Variants in SLC9A2 observed in about 807,000 individuals in gnomAD.
The protein encoded by SLC9A2 is solute carrier family 9 member A2, also known as sodium/hydrogen exchanger 2.
A neutral mutation model predicts 71.7 loss-of-function variants in SLC9A2; 42 were observed. The ratio of observed to expected loss-of-function variants is 0.59; its 90% CI spans 0.46 to 0.76. The LOEUF (loss-of-function observed/expected upper bound fraction) is 0.76. SLC9A2 is among the 30% of genes least tolerant of loss of function. The probability of loss-of-function intolerance (pLI) is 0.00; values close to 1 mark genes in which losing one functional copy is unlikely to be tolerated. For synonymous variants in SLC9A2, 396 were observed against 392.5 expected (o/e 1.01, Z -0.10); for missense variants, 829 against 1,017.4 (o/e 0.81, Z 2.52).
At chr2:102,625,739 G>A (rs1558699174) in intron 1 of SLC9A2, among the ~76,000 whole-genome samples, 1 of 152,114 alleles carries the variant, frequency 6.6e-6, no homozygotes, top group Non-Finnish European at 1.5e-5. Flanking sequence ...ATTTGGGTTG[G>A]TTCCAAGTCT....
Position 102,620,009 on chromosome 2 carries a change from G to A in SLC9A2, c.161G>A (p.Ser54Asn). ...GTSSSPPSPA[S>N]VVAPGTTLFE... ...AGTTCCAGCCCGCCTAGCCCTGCGAGCGTGGTGGCTCCCGGAACGACGCTG... is the reference window on the plus strand; with the variant it reads ...AGTTCCAGCCCGCCTAGCCCTGCGAACGTGGTGGCTCCCGGAACGACGCTG... Residue 54 changes from serine to asparagine, a missense_variant, in exon 1 of 12, where the codon AGC becomes AAC. Coordinates refer to ENST00000233969, the MANE Select transcript of SLC9A2 (RefSeq NM_003048.6). 2 of 1,614,118 alleles carry A rather than the reference G, an allele frequency of 1.2e-6. No individual in the cohort carries two copies. Among genetic ancestry groups the A allele is most frequent in the Non-Finnish European group, 1.7e-6 (2 of 1,180,008 alleles).
chr2:102,659,293 T>G (rs891940771), intron 2 of SLC9A2, among the ~76,000 whole-genome samples: 4 of 145,482 alleles, frequency 2.7e-5, no homozygotes, highest in Middle Eastern at 3.6e-3. Flanking sequence ...AAAAAAAAAT[T>G]AGCTGGGCAT....
Position 102,694,489 on chromosome 2 carries a change from GAA to G in SLC9A2, c.1503_1504del (p.Glu501AspfsTer7). 1 of 1,530,700 alleles carries G rather than the reference GAA, an allele frequency of 6.5e-7. No homozygotes were observed. The highest frequency in any genetic ancestry group is 8.9e-7 in the Non-Finnish European group (1 of 1,123,162). 94.8% of individuals were successfully genotyped at this position (1,530,700 alleles called of 1,614,324 possible). A position where few individuals can be genotyped will look rare whatever the true frequency, so the allele number is the denominator to read the frequency against. ...TAAGAAACAACAAGCTGTCAGTGAA[GAA>G]ATCTATTGTCGGGTAGGTGTTAAGA... The part of the protein sequence containing the change: ...SNKKQQAVSE[E>X]IYCRLFDHVK... On this transcript the variant is annotated frameshift_variant, in exon 6 of 12. Coordinates refer to ENST00000233969, the MANE Select transcript of SLC9A2 (RefSeq NM_003048.6). LOFTEE classifies it high-confidence loss of function.
intron 1 of SLC9A2, among the ~76,000 whole-genome samples, chr2:102,651,079 A>G (rs1278509074): frequency 6.6e-6 from 1 of 152,054 alleles, no homozygotes; most frequent in South Asian, 2.1e-4. Context: ...CACATCCTTT[A>G]TCCAGGTCAG....
chr2:102,659,821 C>T (rs180721630), intron 2 of SLC9A2, among the ~76,000 whole-genome samples: 169 of 152,214 alleles, frequency 1.1e-3, no homozygotes, highest in Middle Eastern at 6.8e-3. Flanking sequence ...GACTTATGCT[C>T]GATACGTAAA....
intron 11 of SLC9A2, among the ~76,000 whole-genome samples, chr2:102,707,104 T>G (rs1243749927): frequency 6.6e-6 from 1 of 152,020 alleles, no homozygotes; most frequent in African/African-American, 2.4e-5. Flanking sequence ...AGAGGGGAGA[T>G]AGGGAGCTGG....
intron 1 of SLC9A2, among the ~76,000 whole-genome samples, chr2:102,622,150 A>G (rs1447047852): frequency 6.6e-6 from 1 of 152,206 alleles, no homozygotes; most frequent in Admixed American, 6.5e-5. Flanking sequence ...TTCCCCACCT[A>G]TAAACCAGAT....
At chr2:102,645,338 C>T (rs6728096) in intron 1 of SLC9A2, among the ~76,000 whole-genome samples, 13,099 of 151,946 alleles carry the variant, frequency 0.086, 1,787 homozygotes, top group African/African-American at 0.29. Context: ...TCCACAAAGA[C>T]GAAAAAAAAC....
chr2:102,657,192 C>A, intron 1 of SLC9A2, among the ~76,000 whole-genome samples: 1 of 147,928 alleles, frequency 6.8e-6, no homozygotes. Context: ...GGTGACAGAG[C>A]AAGACTCCAT....
chr2:102,680,802 G>A (rs1447462832), intron 3 of SLC9A2, among the ~76,000 whole-genome samples: 1 of 152,120 alleles, frequency 6.6e-6, no homozygotes, highest in Non-Finnish European at 1.5e-5. Context: ...TATCTGGGTG[G>A]CCTTGATATA....
intron 3 of SLC9A2, 89 bp from the exon 4 acceptor site, chr2:102,683,172 G>C: frequency 1.2e-6 from 1 of 843,994 alleles, no homozygotes; most frequent in Non-Finnish European, 2.0e-6. Context: ...CAGAAGAGTA[G>C]AGCCATAATT....
rs546674331 is a variant in SLC9A2 at position 102,702,647 on chromosome 2, C to T, written c.1845+145C>T. ...CATCTTCTCTCCTTCTGCTTCTCTC[C>T]ATCCCTCTTCAGGGTCCTACTATCC... is the stretch of plus-strand genomic sequence containing the variant. On this transcript the variant is annotated intron_variant, in intron 9 of 11. Coordinates refer to ENST00000233969, the MANE Select transcript of SLC9A2 (RefSeq NM_003048.6). 1.0e-5 allele frequency: 6 copies of T among 591,594 alleles called. No individual in the cohort carries two copies. The South Asian group carries it at 1.1e-4, about 11-fold the overall frequency. The allele number at this position is 591,594 out of a possible 1,614,324, so 36.6% of individuals were successfully genotyped here. A position where few individuals can be genotyped will look rare whatever the true frequency, so the allele number is the denominator to read the frequency against.
intron 7 of SLC9A2, among the ~76,000 whole-genome samples, chr2:102,699,917 C>T (rs1156956404): frequency 6.6e-6 from 1 of 152,066 alleles, no homozygotes; most frequent in African/African-American, 2.4e-5. Flanking sequence ...TATAAGTACA[C>T]CAGTCATTTT....
Position 102,711,189 on chromosome 2 carries a change from C to G in SLC9A2, c.*2700C>G, listed in dbSNP as rs1678103495. On this transcript the variant is annotated 3_prime_UTR_variant, in exon 12 of 12. Coordinates refer to ENST00000233969, the MANE Select transcript of SLC9A2 (RefSeq NM_003048.6). ...ACAGTACGAGTCTCAGCACGTTTTG[C>G]ATTTATTGTACTGCCCAAATTGTTT... The G allele has an allele frequency of 6.6e-6, 1 of 152,290 alleles. No homozygotes were observed. The allele number at this position is 152,290 out of a possible 1,614,324, so 9.4% of individuals were successfully genotyped here.
chr2:102,665,483 T>C (rs1354894275), intron 3 of SLC9A2, 133 bp downstream of exon 3: 2 of 1,125,110 alleles, frequency 1.8e-6, no homozygotes, highest in Non-Finnish European at 1.3e-6. Flanking sequence ...AAATTAAAAA[T>C]AGATTTTTCG....
intron 1 of SLC9A2, among the ~76,000 whole-genome samples, chr2:102,652,349 CCT>C (rs1161594543): frequency 2.0e-5 from 3 of 152,162 alleles, no homozygotes; most frequent in Non-Finnish European, 2.9e-5. Flanking sequence ...ACAGCTTCTT[CCT>C]GTTGGCTTAG....
chr2:102,642,740 T>A (rs182621276), intron 1 of SLC9A2, among the ~76,000 whole-genome samples: 1 of 152,346 alleles, frequency 6.6e-6, no homozygotes, highest in Non-Finnish European at 1.5e-5. Flanking sequence ...ATAGAATTGC[T>A]TTTATTTTGT....
chr2:102,694,234 T>C (rs1420231974), intron 5 of SLC9A2, among the ~76,000 whole-genome samples, 180 bp from the exon 6 acceptor site: 1 of 152,294 alleles, frequency 6.6e-6, no homozygotes, highest in South Asian at 2.1e-4. Flanking sequence ...AAAAGTTACA[T>C]TTACTGTGTT....
chr2:102,626,352 G>A (rs961600838), intron 1 of SLC9A2, among the ~76,000 whole-genome samples: 2 of 152,142 alleles, frequency 1.3e-5, no homozygotes, highest in Non-Finnish European at 1.5e-5. Context: ...ATGGTGCTGG[G>A]AAAACTGGCT....
Sources: allele counts gnomAD v4.1 joint callset (sites outside exome capture counted in the v4.1 genomes callset), GRCh38; gene constraint gnomAD v4.1.1; transcripts MANE v1.5; gene names NCBI Gene and HGNC (gene_info 2026-07-23, HGNC 2026-07-21).